INSL5: variants seen among roughly 807,000 people sequenced by gnomAD.
The protein encoded by INSL5 is insulin-like peptide INSL5.
In INSL5, 3 loss-of-function variants were observed where a neutral mutation model predicts 4.3. The observed-to-expected ratio is 0.70, with a 90% confidence interval of 0.32 to 1.82. INSL5 has a LOEUF of 1.82. INSL5 is among the 40% of genes most tolerant of loss of function. The pLI is 0.08. For missense variants in INSL5, 168 were observed against 160.9 expected (o/e 1.04, Z -0.24); for synonymous variants, 68 against 56.6 (o/e 1.20, Z -0.90).
intron 1 of INSL5, 94 bp from the exon 2 acceptor site, chr1:66,798,339 C>T (rs1645355591): frequency 1.2e-6 from 1 of 837,898 alleles, no homozygotes; most frequent in African/African-American, 1.7e-5. Flanking sequence ...AACTGGATCC[C>T]TAAAATGAAA....
At chr1:66,800,727 C>A (rs569816187) in intron 1 of INSL5, among the ~76,000 whole-genome samples, 1 of 152,138 alleles carries the variant, frequency 6.6e-6, no homozygotes, top group African/African-American at 2.4e-5. Flanking sequence ...TACTTCAACA[C>A]GCTCCTTGAA....
chr1:66,800,447 C>T (rs1231735989), intron 1 of INSL5, among the ~76,000 whole-genome samples: 1 of 152,036 alleles, frequency 6.6e-6, no homozygotes, highest in Non-Finnish European at 1.5e-5. Context: ...AAGACCTTGG[C>T]TCTTGAAGCC....
chr1:66,801,201 A>C lies in INSL5; in HGVS notation c.21T>G (p.Thr7=). The C allele has an allele frequency of 6.2e-7, 1 of 1,613,182 alleles. No homozygotes were observed. Among genetic ancestry groups the C allele is most frequent in the Non-Finnish European group, 8.5e-7 (1 of 1,179,370 alleles). The change falls in exon 1 of 2, where the codon ACT becomes ACG. Residue 7 remains threonine (T), a synonymous_variant. Coordinates refer to ENST00000304526, the MANE Select transcript of INSL5 (RefSeq NM_005478.6). ...CAAATAGGACAGAGAATAAAAACAG[A>C]GTGAAAATGGAGCCCTTCATTTTGC... is the stretch of plus-strand genomic sequence containing the variant. MKGSIF[T]LFLFSVLFAI...
chr1:66,801,120 T>A lies in INSL5; in HGVS notation c.102A>T (p.Ile34=). 1 of 1,613,558 alleles carries A rather than the reference T, an allele frequency of 6.2e-7. No homozygotes were observed. The highest frequency in any genetic ancestry group is 1.1e-5 in the South Asian group (1 of 91,072). Residue 34 remains isoleucine, a synonymous_variant, in exon 1 of 2, where the codon ATA becomes ATT. Coordinates refer to ENST00000304526, the MANE Select transcript of INSL5 (RefSeq NM_005478.6). ...ESVRLCGLEY[I]RTVIYICASS... is the part of the protein sequence containing the mutation. The stretch of plus-strand genomic sequence containing the variant: ...TAGCACAGATATAGATGACTGTCCG[T>A]ATGTATTCTAGCCCACAGAGTCTCA...
intron 1 of INSL5, among the ~76,000 whole-genome samples, chr1:66,799,015 T>A (rs115025506): frequency 1.2e-3 from 183 of 152,344 alleles, no homozygotes; most frequent in Non-Finnish European, 2.1e-3. Context: ...ATTACAGAGA[T>A]TGTTGTAAAT....
rs1277465651 is a variant in INSL5 at position 66,801,204 on chromosome 1, GA to G, written c.17del (p.Phe6SerfsTer21). The G allele has an allele frequency of 3.7e-6, 6 of 1,612,840 alleles. No individual in the cohort carries two copies. The Admixed American group carries it at 6.7e-5, about 18-fold the overall frequency. MKGSI[F>X]TLFLFSVLFA... ...ATAGGACAGAGAATAAAAACAGAGT[GA>G]AAATGGAGCCCTTCATTTTGCTGAG... On this transcript the variant is annotated frameshift_variant, in exon 1 of 2. Transcript: ENST00000304526. LOFTEE classifies it high-confidence loss of function.
chr1:66,799,585 G>A (rs188753377), intron 1 of INSL5, among the ~76,000 whole-genome samples: 3 of 152,240 alleles, frequency 2.0e-5, no homozygotes, highest in Admixed American at 2.0e-4. Flanking sequence ...TGCTAAAAGA[G>A]TAGATTTCAA....
chr1:66,800,145 TTAAG>T (rs1044062561), intron 1 of INSL5, among the ~76,000 whole-genome samples: 3 of 152,218 alleles, frequency 2.0e-5, no homozygotes, highest in African/African-American at 7.2e-5. Context: ...AGTCAAATTT[TTAAG>T]TTAGTTGAAT....
rs780878572 is a variant in INSL5, at chr1:66,798,243, C to T, written c.178G>A (p.Glu60Lys). The T allele has an allele frequency of 5.0e-6, 8 of 1,612,338 alleles. No homozygotes were observed. The East Asian group carries it at 1.8e-4, about 36-fold the overall frequency. The change falls in exon 2 of 2, where the codon GAG (glutamate) becomes AAG (lysine). Residue 60 changes from glutamate to lysine, a missense_variant and splice_region_variant. Glu to Lys is a moderately conservative substitution (Grantham distance 56). Transcript: ENST00000304526. The stretch of plus-strand genomic sequence containing the variant: ...GGGAGCTGGAAGGAGTTTCCTGTCT[C>T]AGCTGTATGGAAGAGAAAAAAATAA... Reference protein sequence around the residue: ...QEGIPQAQQAETGNSFQLPHK... With the variant: ...QEGIPQAQQAKTGNSFQLPHK...
In INSL5 at chr1:66,797,792, C is replaced by G; in HGVS notation, c.*221G>C. The G allele has an allele frequency of 2.3e-6, 1 of 436,806 alleles. No homozygotes were observed. The highest frequency in any genetic ancestry group is 4.1e-6 in the Non-Finnish European group (1 of 246,316). The allele number at this position is 436,806 out of a possible 1,614,324, so 27.1% of individuals were successfully genotyped here. A position where few individuals can be genotyped will look rare whatever the true frequency, so the allele number is the denominator to read the frequency against. On this transcript the variant is annotated 3_prime_UTR_variant, in exon 2 of 2. Coordinates refer to ENST00000304526, the MANE Select transcript of INSL5 (RefSeq NM_005478.6). ...TTGCGCAGCATTTGAAATTTCAAAG[C>G]ATTAGTAGAATTTGAAAAGAACAGT...
intron 1 of INSL5, among the ~76,000 whole-genome samples, chr1:66,798,906 G>A (rs1473489579): frequency 6.6e-6 from 1 of 152,174 alleles, no homozygotes; most frequent in African/African-American, 2.4e-5. Context: ...TATGATTTCA[G>A]TGATGTCCAA....
rs1645354127 is a variant in INSL5, at chr1:66,798,096, GCTT to G, written c.322_324del (p.Lys108del). The G allele has an allele frequency of 6.2e-7, 1 of 1,614,096 alleles. No individual in the cohort carries two copies. Among genetic ancestry groups the G allele is most frequent in the African/African-American group, 1.3e-5 (1 of 75,046 alleles). ...AAATCTTGTCTTGACATCACTGAAT[GCTT>G]CTTTGACTTCCAAAGCTCTTCAGTG... On this transcript the variant is annotated inframe_deletion, in exon 2 of 2. Transcript: ENST00000304526.
At position 66,801,189 on chromosome 1, in the gene INSL5, G is replaced by A; in HGVS notation, c.33C>T (p.Phe11=). MKGSIFTLFL[F]SVLFAISEVR... ...CTTCTGAGATGGCAAATAGGACAGA[G>A]AATAAAAACAGAGTGAAAATGGAGC... Residue 11 remains phenylalanine (F), a synonymous_variant, in exon 1 of 2, where the codon TTC becomes TTT. Coordinates refer to ENST00000304526, the MANE Select transcript of INSL5 (RefSeq NM_005478.6). 6.2e-7 allele frequency: 1 copy of A among 1,613,544 alleles called. No homozygotes were observed. Among genetic ancestry groups the A allele is most frequent in the Non-Finnish European group, 8.5e-7 (1 of 1,179,516 alleles).
intron 1 of INSL5, 79 bp downstream of exon 1, chr1:66,800,968 T>G: frequency 9.2e-7 from 1 of 1,083,244 alleles, no homozygotes; most frequent in Non-Finnish European, 1.3e-6. Flanking sequence ...CTTAATAAAA[T>G]AATGGTTTAA....
chr1:66,798,459 T>A (rs1645356045), intron 1 of INSL5, among the ~76,000 whole-genome samples: 1 of 152,158 alleles, frequency 6.6e-6, no homozygotes, highest in Non-Finnish European at 1.5e-5. Flanking sequence ...AGGCAGAAAC[T>A]TGAGTGCAAA....
In INSL5 at chr1:66,801,197, A is replaced by T; in HGVS notation, c.25T>A (p.Phe9Ile). 6.2e-7 allele frequency: 1 copy of T among 1,613,428 alleles called. No homozygotes were observed. MKGSIFTLFLFSVLFAISE... is the reference protein window; with the variant it reads MKGSIFTLILFSVLFAISE... Reference sequence around the variant, plus strand: ...ATGGCAAATAGGACAGAGAATAAAAACAGAGTGAAAATGGAGCCCTTCATT... The same window carrying T: ...ATGGCAAATAGGACAGAGAATAAAATCAGAGTGAAAATGGAGCCCTTCATT... The change falls in exon 1 of 2, where the codon TTT (phenylalanine) becomes ATT (isoleucine). Residue 9 changes from phenylalanine (F) to isoleucine (I), a missense_variant. Physicochemically the swap from Phe to Ile is conservative, Grantham distance 21. Coordinates refer to ENST00000304526, the MANE Select transcript of INSL5 (RefSeq NM_005478.6).
Position 66,801,108 on chromosome 1 carries a change from G to A in INSL5, c.114C>T (p.Ile38=). 1 of 1,613,842 alleles carries A rather than the reference G, an allele frequency of 6.2e-7. No individual in the cohort carries two copies. The highest frequency in any genetic ancestry group is 8.5e-7 in the Non-Finnish European group (1 of 1,179,704). ...TCCACCTGGAGCTAGCACAGATATA[G>A]ATGACTGTCCGTATGTATTCTAGCC... The part of the protein sequence containing the change: ...LCGLEYIRTV[I]YICASSRWRR... The change falls in exon 1 of 2, where the codon ATC becomes ATT. Residue 38 remains isoleucine, a synonymous_variant. Transcript: ENST00000304526.
chr1:66,800,327 A>C (rs1645366526), intron 1 of INSL5, among the ~76,000 whole-genome samples: 1 of 152,022 alleles, frequency 6.6e-6, no homozygotes. Flanking sequence ...CTCTGTCAGT[A>C]ACCACCACCT....
At chr1:66,800,750 G>A (rs942575997) in intron 1 of INSL5, among the ~76,000 whole-genome samples, 4 of 151,996 alleles carry the variant, frequency 2.6e-5, no homozygotes, top group Admixed American at 6.6e-5. Flanking sequence ...CACATGCTTC[G>A]CCATAGCCTC....
Sources: gnomAD v4.1 joint callset for allele counts (sites outside exome capture counted in the v4.1 genomes callset) on GRCh38, gnomAD v4.1.1 for gene constraint, MANE v1.5 for transcripts, NCBI Gene and HGNC (gene_info 2026-07-23, HGNC 2026-07-21) for gene names.